REDIC1: variants seen among roughly 807,000 people sequenced by gnomAD.
The protein encoded by REDIC1 is HEI10 Interacting Protein 1.
chr12:39,839,495 G>A, the REDIC1 span, among the ~76,000 whole-genome samples: 3 of 152,074 alleles, frequency 2.0e-5, no homozygotes, highest in African/African-American at 4.8e-5. Flanking sequence ...GAGATTGCTG[G>A]TGGTTGTCTC....
At chr12:39,691,459 ACATT>A in the REDIC1 span, among the ~76,000 whole-genome samples, 7 of 152,206 alleles carry the variant, frequency 4.6e-5, no homozygotes, top group Non-Finnish European at 4.4e-5. Flanking sequence ...ATTCATGGGT[ACATT>A]CTCTAATCAA....
At chr12:39,806,427 T>A in the REDIC1 span, among the ~76,000 whole-genome samples, 13 of 152,180 alleles carry the variant, frequency 8.5e-5, no homozygotes. Flanking sequence ...AACAAGGCAC[T>A]TTTTCTCCTA....
chr12:39,686,188 C>T, the REDIC1 span, among the ~76,000 whole-genome samples: 2 of 152,204 alleles, frequency 1.3e-5, no homozygotes, highest in Non-Finnish European at 2.9e-5. Context: ...TAGGCAGTGC[C>T]CCATTGGAGA....
the REDIC1 span, among the ~76,000 whole-genome samples, chr12:39,730,451 A>G: frequency 6.6e-6 from 1 of 152,178 alleles, no homozygotes; most frequent in African/African-American, 2.4e-5. Context: ...TTCTGGGTTG[A>G]AAATTCTTTT....
the REDIC1 span, among the ~76,000 whole-genome samples, chr12:39,838,880 A>T: frequency 6.6e-6 from 1 of 152,084 alleles, no homozygotes; most frequent in Non-Finnish European, 1.5e-5. Context: ...AAACTCAATG[A>T]GATGGAGCAC....
At chr12:39,887,159 CA>C in the REDIC1 span, among the ~76,000 whole-genome samples, 17 of 151,152 alleles carry the variant, frequency 1.1e-4, no homozygotes, top group Middle Eastern at 6.8e-3. Context: ...AATTTTTTTG[CA>C]AAAAAAAGTA....
the REDIC1 span, among the ~76,000 whole-genome samples, chr12:39,826,949 C>T: frequency 5.4e-5 from 7 of 130,796 alleles, no homozygotes; most frequent in East Asian, 5.2e-4. Context: ...TAATTGGTGT[C>T]GTTTCTATTA....
the REDIC1 span, among the ~76,000 whole-genome samples, chr12:39,781,423 C>A: frequency 6.6e-6 from 1 of 152,196 alleles, no homozygotes; most frequent in Non-Finnish European, 1.5e-5. Flanking sequence ...ACCTCCTCCA[C>A]GTCACCTGCC....
chr12:39,652,448 T>A, the REDIC1 span, among the ~76,000 whole-genome samples: 2 of 152,122 alleles, frequency 1.3e-5, no homozygotes, highest in East Asian at 3.8e-4. Context: ...TGTAGTAGTA[T>A]CTCATGTTTT....
chr12:39,827,687 A>T, the REDIC1 span, among the ~76,000 whole-genome samples: 50 of 152,234 alleles, frequency 3.3e-4, no homozygotes, highest in African/African-American at 1.2e-3. Context: ...CTGCTAAATA[A>T]TTTTTTTAAG....
chr12:39,657,159 T>C, the REDIC1 span, among the ~76,000 whole-genome samples: 1 of 152,202 alleles, frequency 6.6e-6, no homozygotes, highest in Admixed American at 6.5e-5. Flanking sequence ...CCTTTGCAGA[T>C]GTGCCTTTAA....
At chr12:39,764,633 A>AGTTTTT in the REDIC1 span, 1 of 1,579,968 alleles carries the variant, frequency 6.3e-7, no homozygotes. Flanking sequence ...AAACATTAAA[A>AGTTTTT]ACTTTAGTAA....
the REDIC1 span, among the ~76,000 whole-genome samples, chr12:39,751,292 T>C: frequency 6.6e-6 from 1 of 152,112 alleles, no homozygotes; most frequent in South Asian, 2.1e-4. Context: ...AGCAGACACA[T>C]GAAAAAATGC....
the REDIC1 span, among the ~76,000 whole-genome samples, chr12:39,814,043 A>G: frequency 6.6e-6 from 1 of 152,304 alleles, no homozygotes; most frequent in East Asian, 1.9e-4. Flanking sequence ...AACTATAATC[A>G]TATCTTTCAA....
the REDIC1 span, among the ~76,000 whole-genome samples, chr12:39,739,483 G>T: frequency 6.6e-6 from 1 of 152,226 alleles, no homozygotes; most frequent in South Asian, 2.1e-4. Flanking sequence ...AAAACTCATG[G>T]TCTAATAGGA....
the REDIC1 span, among the ~76,000 whole-genome samples, chr12:39,752,356 T>C: frequency 6.6e-6 from 1 of 152,154 alleles, no homozygotes; most frequent in East Asian, 1.9e-4. Flanking sequence ...GCAGTCCTTA[T>C]GAGAATTGAA....
At chr12:39,653,585 C>CTTCCTTCTTCTTCTTT in the REDIC1 span, among the ~76,000 whole-genome samples, 3 of 75,198 alleles carry the variant, frequency 4.0e-5, no homozygotes, top group Admixed American at 1.6e-4. Context: ...TCTTCCTCTT[C>CTTCCTTCTTCTTCTTT]TTCTTCCTCT....
chr12:39,867,088 T>C, the REDIC1 span, among the ~76,000 whole-genome samples: 1 of 152,206 alleles, frequency 6.6e-6, no homozygotes, highest in African/African-American at 2.4e-5. Flanking sequence ...ATAGGTCTGT[T>C]ATGAAGATCA....
chr12:39,791,077 T>C, the REDIC1 span, among the ~76,000 whole-genome samples: 3 of 146,374 alleles, frequency 2.0e-5, no homozygotes, highest in African/African-American at 7.6e-5. Context: ...GTTTGTTTTT[T>C]TCTTGTAAAT....
Sources: allele counts gnomAD v4.1 joint callset (sites outside exome capture counted in the v4.1 genomes callset), GRCh38; gene constraint gnomAD v4.1.1; transcripts MANE v1.5; gene names NCBI Gene and HGNC (gene_info 2026-07-23, HGNC 2026-07-21).